CEACAM6: variants seen among roughly 807,000 people sequenced by gnomAD.
CEACAM6 encodes the protein cell adhesion molecule CEACAM6.
A neutral mutation model predicts 32.4 loss-of-function variants in CEACAM6; 21 were observed. The observed-to-expected ratio is 0.65, with a 90% CI of 0.46 to 0.93. CEACAM6 has a LOEUF of 0.93. CEACAM6 is among the 40% of genes least tolerant of loss of function. The probability of loss-of-function intolerance (pLI) is 0.00; values close to 1 mark genes in which losing one functional copy is unlikely to be tolerated. For missense variants in CEACAM6, 406 were observed against 432.2 expected, an observed-to-expected ratio of 0.94 and a Z score of 0.54; for synonymous variants, 184 against 174.4, an observed-to-expected ratio of 1.06 and a Z score of -0.43.
At position 41,766,270 on chromosome 19, in the gene CEACAM6, G is replaced by C; in HGVS notation, c.*11G>C. On this transcript the variant is annotated 3_prime_UTR_variant, in exon 5 of 6. Transcript: ENST00000199764. Reference sequence around the variant, plus strand: ...GTGGCTCTGATATAGCAGCCCTGGTGTATTTTCGATATTTCAGGAAGACTG... The same window carrying C: ...GTGGCTCTGATATAGCAGCCCTGGTCTATTTTCGATATTTCAGGAAGACTG... 1 of 1,578,832 alleles carries C rather than the reference G, an allele frequency of 6.3e-7. No individual in the cohort carries two copies. Among genetic ancestry groups the C allele is most frequent in the Non-Finnish European group, 8.6e-7 (1 of 1,163,146 alleles).
intron 2 of CEACAM6, among the ~76,000 whole-genome samples, chr19:41,761,019 G>C (rs1216691481): frequency 1.3e-5 from 2 of 152,204 alleles, no homozygotes; most frequent in East Asian, 3.8e-4. Context: ...CAATGCTGCT[G>C]CTCAATTCAC....
At chr19:41,770,178 G>A (rs144782715) in intron 5 of CEACAM6, among the ~76,000 whole-genome samples, 23 of 150,970 alleles carry the variant, frequency 1.5e-4, no homozygotes, top group African/African-American at 5.4e-4. Context: ...TTGGGAGGCC[G>A]AGGTGGGTGA....
intron 5 of CEACAM6, 105 bp downstream of exon 5, chr19:41,766,404 C>T (rs2072956397): frequency 1.9e-6 from 1 of 524,810 alleles, no homozygotes; most frequent in Non-Finnish European, 3.4e-6. Flanking sequence ...TCTCCTTCTA[C>T]CGCTAAACTC....
chr19:41,769,569 A>G (rs2072979507), intron 5 of CEACAM6, among the ~76,000 whole-genome samples: 2 of 151,860 alleles, frequency 1.3e-5, no homozygotes, highest in Admixed American at 1.3e-4. Flanking sequence ...TTCAGGAAAC[A>G]TTTTTTCTTT....
At chr19:41,770,171 G>C (rs542144976) in intron 5 of CEACAM6, among the ~76,000 whole-genome samples, 1 of 151,504 alleles carries the variant, frequency 6.6e-6, no homozygotes, top group East Asian at 1.9e-4. Context: ...CAGCACTTTG[G>C]GAGGCCGAGG....
At chr19:41,761,622 C>G (rs2072925042) in intron 3 of CEACAM6, 95 bp downstream of exon 3, 2 of 1,563,014 alleles carry the variant, frequency 1.3e-6, no homozygotes, top group Admixed American at 1.8e-5. Flanking sequence ...TCTAAGGACT[C>G]AGACCCTCAC....
In CEACAM6 at chr19:41,755,705, G is replaced by A. The variant is rs1568723390; in HGVS notation, c.64+3G>A. 1 of 1,603,590 alleles carries A rather than the reference G, an allele frequency of 6.2e-7. No individual in the cohort carries two copies. Among genetic ancestry groups the A allele is most frequent in the Non-Finnish European group, 8.5e-7 (1 of 1,175,876 alleles). On this transcript the variant is annotated splice_donor_region_variant and intron_variant, in intron 1 of 5. Transcript: ENST00000199764. The stretch of plus-strand genomic sequence containing the variant: ...CTGGAAGGAGGTCCTGCTCACAGGT[G>A]AGGGGAGGACTCCCTCGGAGTGGAT...
intron 5 of CEACAM6, among the ~76,000 whole-genome samples, chr19:41,769,214 G>A (rs375336201): frequency 1.3e-5 from 2 of 151,956 alleles, no homozygotes; most frequent in African/African-American, 2.4e-5. Context: ...CAAAGTGCTC[G>A]GATTACAGGC....
intron 4 of CEACAM6, among the ~76,000 whole-genome samples, chr19:41,765,511 T>C (rs2072950775): frequency 6.6e-6 from 1 of 152,166 alleles, no homozygotes; most frequent in Admixed American, 6.5e-5. Context: ...GATAATTCAC[T>C]GGGTAAAACA....
At chr19:41,767,005 CAAAAAAAA>C (rs34180480) in intron 5 of CEACAM6, among the ~76,000 whole-genome samples, 2 of 88,502 alleles carry the variant, frequency 2.3e-5, no homozygotes, top group South Asian at 7.9e-4. Context: ...GACTCCGTCT[CAAAAAAAA>C]AAAAAAAAAA....
At chr19:41,763,280 C>T (rs1332748068) in intron 4 of CEACAM6, among the ~76,000 whole-genome samples, 10 of 152,164 alleles carry the variant, frequency 6.6e-5, no homozygotes, top group Non-Finnish European at 1.3e-4. Context: ...ACCTGTGACC[C>T]ACAGCCTGAC....
Position 41,767,986 on chromosome 19 carries a change from T to C in CEACAM6, c.*40+1687T>C, listed in dbSNP as rs1181259172. ...TGAGTGTTCCAAAAATTATAAGAGA[T>C]TCCCAGAAATCTAACAGATTATAAG... On this transcript the variant is annotated intron_variant, in intron 5 of 5. Coordinates refer to ENST00000199764, the MANE Select transcript of CEACAM6 (RefSeq NM_002483.7). Among the ~76,000 whole-genome samples the C allele has an allele frequency of 2.0e-5, 3 of 152,216 alleles. No homozygotes were observed. In the East Asian group the frequency reaches 5.8e-4, roughly 29 times the overall value.
In CEACAM6 at chr19:41,771,987, A is replaced by G. The variant is rs1185101340; in HGVS notation, c.*1226A>G. ...GAGATTCCAGTCTACTTGAGTTAGC[A>G]TAATACAGAAGTCCCCTCTACTTTA... On this transcript the variant is annotated 3_prime_UTR_variant, in exon 6 of 6. Coordinates refer to ENST00000199764, the MANE Select transcript of CEACAM6 (RefSeq NM_002483.7). The G allele has an allele frequency of 6.6e-6, 1 of 152,098 alleles. No individual in the cohort carries two copies. The highest frequency in any genetic ancestry group is 2.4e-5 in the African/African-American group (1 of 41,418). 9.4% of individuals were successfully genotyped at this position (152,098 alleles called of 1,614,324 possible). A position where few individuals can be genotyped will look rare whatever the true frequency, so the allele number is the denominator to read the frequency against.
chr19:41,757,482 G>A lies in CEACAM6; in HGVS notation c.424+523G>A, dbSNP rs574508874. On this transcript the variant is annotated intron_variant, in intron 2 of 5. Transcript: ENST00000199764. ...AGCTATCCAAGGGCCATGACTCCTG[G>A]AGTTGGTCACCAGCCAGGTCCGAGC... 2.0e-5 allele frequency among the ~76,000 whole-genome samples: 3 copies of A among 152,258 alleles called. No homozygotes were observed. The South Asian group carries it at 6.2e-4, about 32-fold the overall frequency.
At chr19:41,761,179 T>C in intron 2 of CEACAM6, 70 bp from the exon 3 acceptor site, 1 of 1,608,004 alleles carries the variant, frequency 6.2e-7, no homozygotes, top group Non-Finnish European at 8.5e-7. Flanking sequence ...ATGCCAACTC[T>C]GATTGAAAGA....
rs2072879615 is a variant in CEACAM6 at position 41,755,579 on chromosome 19, G to A, written c.-60G>A. 6.5e-7 allele frequency: 1 copy of A among 1,533,288 alleles called. No individual in the cohort carries two copies. 95.0% of individuals were successfully genotyped at this position (1,533,288 alleles called of 1,614,324 possible). ...CCAACAGTCACAGCAGCCCTGACCA[G>A]AGCATTCCTGGAGCTCAAGCTCCTC... On this transcript the variant is annotated 5_prime_UTR_variant, in exon 1 of 6. Coordinates refer to ENST00000199764, the MANE Select transcript of CEACAM6 (RefSeq NM_002483.7).
intron 4 of CEACAM6, among the ~76,000 whole-genome samples, 192 bp downstream of exon 4, chr19:41,762,415 T>C (rs2072932294): frequency 6.6e-6 from 1 of 152,186 alleles, no homozygotes; most frequent in Admixed American, 6.5e-5. Flanking sequence ...TGTTGTTTTT[T>C]GTTTTTTGAT....
At chr19:41,761,658 T>C in intron 3 of CEACAM6, 131 bp downstream of exon 3, 1 of 1,461,332 alleles carries the variant, frequency 6.8e-7, no homozygotes, top group East Asian at 2.3e-5. Flanking sequence ...CTTCCTGCCC[T>C]GAGCAAACCT....
chr19:41,768,094 T>C (rs2072966950), intron 5 of CEACAM6, among the ~76,000 whole-genome samples: 1 of 150,618 alleles, frequency 6.6e-6, no homozygotes, highest in East Asian at 1.9e-4. Context: ...TTTATTTTTA[T>C]TTTTTTTTAT....
Sources: allele counts gnomAD v4.1 joint callset (sites outside exome capture counted in the v4.1 genomes callset), GRCh38; gene constraint gnomAD v4.1.1; transcripts MANE v1.5; gene names NCBI Gene and HGNC (gene_info 2026-07-23, HGNC 2026-07-21).